PFDN2: variants seen among roughly 807,000 people sequenced by gnomAD.
PFDN2 encodes prefoldin 2.
PFDN2 carries 7 observed loss-of-function variants against 18.3 expected under a neutral mutation model. That is an observed-to-expected ratio of 0.38 (90% CI 0.22 to 0.72). The LOEUF (loss-of-function observed/expected upper bound fraction) is 0.72, where lower values mean the gene tolerates loss of function less well. Ranked by LOEUF, PFDN2 falls within the 30% of genes least tolerant of loss-of-function variation. The pLI is 0.47. For synonymous variants in PFDN2, 76 were observed against 75.0 expected, an observed-to-expected ratio of 1.01 and a Z score of -0.07; for missense variants, 181 against 199.1, an observed-to-expected ratio of 0.91 and a Z score of 0.55.
In PFDN2 at chr1:161,117,958, T is replaced by G; in HGVS notation, c.69A>C (p.Ala23=). 6.2e-7 allele frequency: 1 copy of G among 1,612,304 alleles called. No homozygotes were observed. Among genetic ancestry groups the G allele is most frequent in the Non-Finnish European group, 8.5e-7 (1 of 1,179,134 alleles). ...CGCGTTAGCCACTCCTCACCTGCTC[T>G]GCGGACACCGCCCCCTTCCCCGCGC... ...GSGAGKGAVS[A]EQVIAGFNRL... Residue 23 remains alanine (A), a synonymous_variant, in exon 1 of 4, where the codon GCA becomes GCC. Coordinates refer to ENST00000368010, the MANE Select transcript of PFDN2 (RefSeq NM_012394.4).
chr1:161,112,425 T>G (rs1195413570), intron 1 of PFDN2, among the ~76,000 whole-genome samples: 1 of 152,186 alleles, frequency 6.6e-6, no homozygotes, highest in Non-Finnish European at 1.5e-5. Context: ...TAGTTTCATC[T>G]TTTGTTTTGT....
At chr1:161,107,252 G>A (rs779858193) in intron 1 of PFDN2, among the ~76,000 whole-genome samples, 5 of 151,950 alleles carry the variant, frequency 3.3e-5, no homozygotes, top group African/African-American at 7.2e-5. Context: ...GGTGAAACCC[G>A]GTCTTTACTA....
chr1:161,115,883 G>T (rs1654904779), intron 1 of PFDN2, among the ~76,000 whole-genome samples: 1 of 152,146 alleles, frequency 6.6e-6, no homozygotes, highest in East Asian at 1.9e-4. Flanking sequence ...TACAGTATCT[G>T]TATCGCTGTA....
chr1:161,106,027 T>A (rs929572829), intron 1 of PFDN2, among the ~76,000 whole-genome samples: 2 of 152,088 alleles, frequency 1.3e-5, no homozygotes, highest in African/African-American at 4.8e-5. Context: ...TGGGAGGTGT[T>A]TGGATCATGG....
At chr1:161,100,948 CA>C (rs1654543512) in intron 3 of PFDN2, 89 bp from the exon 4 acceptor site, 1 of 929,098 alleles carries the variant, frequency 1.1e-6, no homozygotes, top group African/African-American at 1.6e-5. Flanking sequence ...AGTGTTAACA[CA>C]TTTAACCTTA....
Position 161,102,349 on chromosome 1 carries a change from C to A in PFDN2, c.102G>T (p.Arg34=). The change falls in exon 2 of 4, where the codon CGG becomes CGT. Residue 34 remains arginine, a synonymous_variant. Coordinates refer to ENST00000368010, the MANE Select transcript of PFDN2 (RefSeq NM_012394.4). ...EQVIAGFNRL[R]QEQRGLASKA... ...TGGATGCCAGGCCTCGCTGTTCCTGCCGAAGGCGGTTGAAGCCAGCAATCA... is the reference window on the plus strand; with the variant it reads ...TGGATGCCAGGCCTCGCTGTTCCTGACGAAGGCGGTTGAAGCCAGCAATCA... 1 of 1,614,142 alleles carries A rather than the reference C, an allele frequency of 6.2e-7. No individual in the cohort carries two copies. The highest frequency in any genetic ancestry group is 1.1e-5 in the South Asian group (1 of 91,086).
At chr1:161,108,825 T>C (rs1386385273) in intron 1 of PFDN2, among the ~76,000 whole-genome samples, 1 of 152,200 alleles carries the variant, frequency 6.6e-6, no homozygotes, top group South Asian at 2.1e-4. Context: ...TTTTTGTTAC[T>C]TTAATAATTT....
In PFDN2 at chr1:161,110,984, C is replaced by T. The variant is rs540614956; in HGVS notation, c.75+6968G>A. ...CCTCCCGAGTAGGTGGGACTACAGG[C>T]GCCCGCCAATGCGCCCGGCTAACTT... On this transcript the variant is annotated intron_variant, in intron 1 of 3. Transcript: ENST00000368010. Among the ~76,000 whole-genome samples the T allele has an allele frequency of 8.3e-4, 126 of 151,316 alleles. 2 individuals carry two copies. Among genetic ancestry groups the T allele is most frequent in the Non-Finnish European group, 1.4e-3 (92 of 67,844 alleles).
intron 1 of PFDN2, among the ~76,000 whole-genome samples, chr1:161,109,869 G>A (rs930140387): frequency 6.6e-6 from 1 of 152,128 alleles, no homozygotes; most frequent in Non-Finnish European, 1.5e-5. Flanking sequence ...GGCCAACACG[G>A]TGAAACCCCA....
At chr1:161,105,061 C>T (rs1391396633) in intron 1 of PFDN2, among the ~76,000 whole-genome samples, 1 of 152,068 alleles carries the variant, frequency 6.6e-6, no homozygotes. Context: ...ATAATTCCAT[C>T]TAAAAAAAAA....
chr1:161,101,325 G>A (rs1389648463), intron 3 of PFDN2, among the ~76,000 whole-genome samples: 1 of 151,050 alleles, frequency 6.6e-6, no homozygotes, highest in Non-Finnish European at 1.5e-5. Context: ...TTGCCCTCCC[G>A]AGTAGCTAGG....
chr1:161,114,570 A>G (rs1281185400), intron 1 of PFDN2, among the ~76,000 whole-genome samples: 1 of 152,224 alleles, frequency 6.6e-6, no homozygotes, highest in East Asian at 1.9e-4. Context: ...AAAGCTAACT[A>G]GCATTTACTA....
chr1:161,108,554 G>C (rs1374515597), intron 1 of PFDN2, among the ~76,000 whole-genome samples: 2 of 148,706 alleles, frequency 1.3e-5, no homozygotes, highest in African/African-American at 2.5e-5. Flanking sequence ...AATAGAGTGA[G>C]ACTCCATCTC....
At chr1:161,114,028 A>T (rs1654859515) in intron 1 of PFDN2, among the ~76,000 whole-genome samples, 1 of 152,226 alleles carries the variant, frequency 6.6e-6, no homozygotes, top group African/African-American at 2.4e-5. Context: ...CCCCTAAAAC[A>T]GTGGTTCCAC....
intron 1 of PFDN2, among the ~76,000 whole-genome samples, chr1:161,113,901 C>T (rs771782358): frequency 2.6e-5 from 4 of 152,168 alleles, no homozygotes; most frequent in Non-Finnish European, 5.9e-5. Flanking sequence ...ATGTTTTACC[C>T]AGTGTTCTCT....
At chr1:161,111,525 G>A (rs1654809252) in intron 1 of PFDN2, among the ~76,000 whole-genome samples, 1 of 152,146 alleles carries the variant, frequency 6.6e-6, no homozygotes, top group African/African-American at 2.4e-5. Context: ...CCTTTGATTT[G>A]TGACAACCAA....
chr1:161,102,527 A>G (rs1308699202), intron 1 of PFDN2, 152 bp from the exon 2 acceptor site: 3 of 612,524 alleles, frequency 4.9e-6, no homozygotes, highest in East Asian at 2.8e-5. Context: ...TCTACCTAAA[A>G]TTTTTCTGGA....
intron 3 of PFDN2, among the ~76,000 whole-genome samples, chr1:161,101,305 T>G (rs1654553342): frequency 6.6e-6 from 1 of 151,516 alleles, no homozygotes; most frequent in Non-Finnish European, 1.5e-5. Context: ...GTTCACGCCA[T>G]TCTCCTGCCT....
In PFDN2 at chr1:161,102,084, T is replaced by C. The variant is rs1334725644; in HGVS notation, c.252A>G (p.Lys84=). Reference sequence around the variant, plus strand: ...TGTTCTCCAAAGCGGGCAGCACCTCTTTGACAGTTCGCTCCACCAGCACTC... The same window carrying C: ...TGTTCTCCAAAGCGGGCAGCACCTCCTTGACAGTTCGCTCCACCAGCACTC... ...VGGVLVERTV[K]EVLPALENNK... is the part of the protein sequence containing the mutation. Residue 84 remains lysine, a synonymous_variant, in exon 3 of 4, where the codon AAA becomes AAG. Coordinates refer to ENST00000368010, the MANE Select transcript of PFDN2 (RefSeq NM_012394.4). 6.2e-7 allele frequency: 1 copy of C among 1,614,214 alleles called. No homozygotes were observed. Among genetic ancestry groups the C allele is most frequent in the Non-Finnish European group, 8.5e-7 (1 of 1,180,038 alleles).
Sources: gnomAD v4.1 joint callset for allele counts (sites outside exome capture counted in the v4.1 genomes callset) on GRCh38, gnomAD v4.1.1 for gene constraint, MANE v1.5 for transcripts, NCBI Gene and HGNC (gene_info 2026-07-23, HGNC 2026-07-21) for gene names.